PLCXD3: variants seen among roughly 807,000 people sequenced by gnomAD.
The protein encoded by PLCXD3 is phosphatidylinositol specific phospholipase C X domain containing 3.
Under a neutral mutation model 25.5 loss-of-function variants are expected in PLCXD3, and 19 were observed. That is an observed-to-expected ratio of 0.75 (90% CI 0.52 to 1.09). PLCXD3 has a LOEUF of 1.09. PLCXD3 is among the 50% of genes least tolerant of loss of function. The pLI, the probability that PLCXD3 is intolerant of heterozygous loss-of-function variation, is 0.00. For synonymous variants in PLCXD3, 174 were observed against 137.6 expected, an observed-to-expected ratio of 1.26 and a Z score of -1.85; for missense variants, 411 against 388.1, an observed-to-expected ratio of 1.06 and a Z score of -0.50.
intron 2 of PLCXD3, among the ~76,000 whole-genome samples, chr5:41,361,296 A>G (rs1311495905): frequency 6.6e-6 from 1 of 152,148 alleles, no homozygotes; most frequent in Non-Finnish European, 1.5e-5. Context: ...CAGGCAGCCA[A>G]TGCCCAGGGC....
chr5:41,370,346 G>A (rs373732058), intron 2 of PLCXD3, among the ~76,000 whole-genome samples: 2 of 143,622 alleles, frequency 1.4e-5, no homozygotes, highest in Non-Finnish European at 3.1e-5. Context: ...AGTATTTTCT[G>A]TAAAATCCTC....
intron 1 of PLCXD3, among the ~76,000 whole-genome samples, chr5:41,492,526 G>A (rs534726209): frequency 1.3e-5 from 2 of 152,342 alleles, no homozygotes; most frequent in Admixed American, 6.5e-5. Flanking sequence ...ATCCTGCAGA[G>A]TGTTTTCCAA....
chr5:41,350,996 C>T (rs182344879), intron 2 of PLCXD3, among the ~76,000 whole-genome samples: 13 of 152,160 alleles, frequency 8.5e-5, no homozygotes, highest in African/African-American at 2.6e-4. Context: ...CCAAACCATA[C>T]TTTATACTAT....
intron 2 of PLCXD3, among the ~76,000 whole-genome samples, chr5:41,358,101 C>T (rs1744670204): frequency 6.6e-6 from 1 of 152,166 alleles, no homozygotes; most frequent in Non-Finnish European, 1.5e-5. Context: ...ATGTACCAGA[C>T]AGAGAGCTAA....
chr5:41,386,946 T>C, intron 1 of PLCXD3, among the ~76,000 whole-genome samples: 1 of 113,290 alleles, frequency 8.8e-6, no homozygotes. Flanking sequence ...GACCATTCCA[T>C]ACTTTTCCAA....
At chr5:41,360,055 G>A (rs916097852) in intron 2 of PLCXD3, among the ~76,000 whole-genome samples, 7 of 152,010 alleles carry the variant, frequency 4.6e-5, no homozygotes, top group African/African-American at 1.7e-4. Flanking sequence ...TTTTATTTGT[G>A]TTTGATGGAC....
chr5:41,389,119 A>C (rs980901642), intron 1 of PLCXD3, among the ~76,000 whole-genome samples: 2 of 152,042 alleles, frequency 1.3e-5, no homozygotes, highest in African/African-American at 4.8e-5. Flanking sequence ...TGGAGGAACT[A>C]AGTAAAAATG....
chr5:41,320,858 T>A (rs1441589196), intron 2 of PLCXD3, among the ~76,000 whole-genome samples: 1 of 152,218 alleles, frequency 6.6e-6, no homozygotes, highest in Non-Finnish European at 1.5e-5. Flanking sequence ...TATGATCATC[T>A]CAATTGATGC....
chr5:41,424,785 T>C (rs1226516820), intron 1 of PLCXD3, among the ~76,000 whole-genome samples: 4 of 152,222 alleles, frequency 2.6e-5, no homozygotes, highest in African/African-American at 9.6e-5. Context: ...TGACATAACA[T>C]GCAATCAATA....
chr5:41,413,249 T>C (rs1746608677), intron 1 of PLCXD3, among the ~76,000 whole-genome samples: 1 of 152,318 alleles, frequency 6.6e-6, no homozygotes, highest in African/African-American at 2.4e-5. Flanking sequence ...ATGAAAGTCA[T>C]AAATTTTGTA....
At chr5:41,323,194 G>GAGT (rs147491567) in intron 2 of PLCXD3, among the ~76,000 whole-genome samples, 14,687 of 152,036 alleles carry the variant, frequency 0.097, 1,010 homozygotes, top group East Asian at 0.35. Context: ...TGGACACAGA[G>GAGT]AGAAGGATGG....
chr5:41,332,782 A>C (rs1270136568), intron 2 of PLCXD3, among the ~76,000 whole-genome samples: 1 of 152,174 alleles, frequency 6.6e-6, no homozygotes, highest in Non-Finnish European at 1.5e-5. Context: ...TGATGAGTTC[A>C]TGTCCTTTGT....
At chr5:41,448,154 G>C (rs1346270022) in intron 1 of PLCXD3, among the ~76,000 whole-genome samples, 1 of 152,218 alleles carries the variant, frequency 6.6e-6, no homozygotes, top group East Asian at 1.9e-4. Context: ...CATAGAAGGT[G>C]TTGTGAAATC....
chr5:41,318,750 A>G (rs1252290313), intron 2 of PLCXD3, among the ~76,000 whole-genome samples: 1 of 152,180 alleles, frequency 6.6e-6, no homozygotes, highest in East Asian at 1.9e-4. Flanking sequence ...TTACTTATCA[A>G]TAACAACATT....
chr5:41,502,608 G>A (rs1234210022), intron 1 of PLCXD3, among the ~76,000 whole-genome samples: 1 of 152,146 alleles, frequency 6.6e-6, no homozygotes, highest in Middle Eastern at 3.2e-3. Flanking sequence ...CTAAGGAAGT[G>A]TAGTAAGTCT....
At chr5:41,452,399 T>C (rs1747653501) in intron 1 of PLCXD3, among the ~76,000 whole-genome samples, 2 of 152,016 alleles carry the variant, frequency 1.3e-5, no homozygotes, top group African/African-American at 4.8e-5. Context: ...ATCTAAACTT[T>C]ATAAGCAGAG....
chr5:41,429,393 A>C (rs2150508191), intron 1 of PLCXD3, among the ~76,000 whole-genome samples: 1 of 152,094 alleles, frequency 6.6e-6, no homozygotes, highest in African/African-American at 2.4e-5. Context: ...CAGGGGAGGG[A>C]GGGAGAGAAG....
At chr5:41,340,313 A>G (rs1222593671) in intron 2 of PLCXD3, among the ~76,000 whole-genome samples, 2 of 152,332 alleles carry the variant, frequency 1.3e-5, no homozygotes, top group East Asian at 3.9e-4. Flanking sequence ...CTAATTAAAT[A>G]GCTAATGTAC....
intron 1 of PLCXD3, among the ~76,000 whole-genome samples, chr5:41,463,652 C>A (rs1747944471): frequency 6.6e-6 from 1 of 151,958 alleles, no homozygotes; most frequent in Admixed American, 6.6e-5. Context: ...CTTCCCAGAC[C>A]TTGCAGAGTT....
Sources: gnomAD v4.1 joint callset for allele counts (sites outside exome capture counted in the v4.1 genomes callset) on GRCh38, gnomAD v4.1.1 for gene constraint, MANE v1.5 for transcripts, NCBI Gene and HGNC (gene_info 2026-07-23, HGNC 2026-07-21) for gene names.